MGMT: variants seen among roughly 807,000 people sequenced by gnomAD.
MGMT encodes methylated-DNA--protein-cysteine methyltransferase.
A neutral mutation model predicts 15.9 loss-of-function variants in MGMT; 14 were observed. The observed-to-expected ratio is 0.88, with a 90% CI of 0.58 to 1.37. The LOEUF (loss-of-function observed/expected upper bound fraction) is 1.37, where lower values mean the gene tolerates loss of function less well. Among genes scored for constraint, MGMT ranks in the 40% most tolerant of loss-of-function variants. MGMT has a pLI of 0.00. For synonymous variants in MGMT, 130 were observed against 118.2 expected (o/e 1.10, Z -0.65); for missense variants, 282 against 268.1 (o/e 1.05, Z -0.36).
At chr10:129,640,384 C>T (rs1166578886) in intron 2 of MGMT, among the ~76,000 whole-genome samples, 1 of 152,246 alleles carries the variant, frequency 6.6e-6, no homozygotes, top group Non-Finnish European at 1.5e-5. Flanking sequence ...GCGTGAGCCA[C>T]TGTGCCCAGC....
chr10:129,492,218 C>T (rs1845476009), intron 1 of MGMT, among the ~76,000 whole-genome samples: 1 of 152,100 alleles, frequency 6.6e-6, no homozygotes, highest in African/African-American at 2.4e-5. Flanking sequence ...TCCCTTTGAG[C>T]ATGGTCTTTT....
intron 1 of MGMT, among the ~76,000 whole-genome samples, chr10:129,515,987 C>T (rs1467276205): frequency 1.3e-5 from 2 of 152,124 alleles, no homozygotes; most frequent in Middle Eastern, 3.2e-3. Flanking sequence ...AGGATCTAAA[C>T]GCAGTCTTTG....
At chr10:129,698,505 C>T (rs1041702536) in intron 2 of MGMT, among the ~76,000 whole-genome samples, 2 of 152,146 alleles carry the variant, frequency 1.3e-5, no homozygotes, top group Non-Finnish European at 2.9e-5. Context: ...TACAGATATA[C>T]AAGCACTTTA....
chr10:129,558,114 C>T (rs890442901), intron 2 of MGMT, among the ~76,000 whole-genome samples: 2 of 152,144 alleles, frequency 1.3e-5, no homozygotes, highest in East Asian at 1.9e-4. Flanking sequence ...CCTGTGCGCC[C>T]GGGGTCAGGT....
At chr10:129,512,025 G>A (rs1170406952) in intron 1 of MGMT, among the ~76,000 whole-genome samples, 3 of 152,342 alleles carry the variant, frequency 2.0e-5, no homozygotes, top group East Asian at 3.9e-4. Context: ...AGTCCTGGGT[G>A]TGTGGCTGGC....
At chr10:129,550,432 T>C (rs1001584612) in intron 2 of MGMT, among the ~76,000 whole-genome samples, 1 of 139,480 alleles carries the variant, frequency 7.2e-6, no homozygotes, top group South Asian at 2.5e-4. Context: ...CACTGGAATG[T>C]TTCTGTGTTT....
At position 129,740,929 on chromosome 10, in the gene MGMT, C is replaced by T. The variant is rs186877086; in HGVS notation, c.275-18273C>T. Among the ~76,000 whole-genome samples, 3 of 152,338 alleles carry T rather than the reference C, an allele frequency of 2.0e-5. No individual in the cohort carries two copies. In the East Asian group the frequency reaches 5.8e-4, roughly 29 times the overall value. On this transcript the variant is annotated intron_variant, in intron 3 of 4. Coordinates refer to ENST00000651593, the MANE Select transcript of MGMT (RefSeq NM_002412.5). ...AAGCCCAGCTACCAAAATTTCCAGA[C>T]CTACGTTACCATCTTCAAATGAGTG...
At chr10:129,479,365 C>T (rs535675946) in intron 1 of MGMT, among the ~76,000 whole-genome samples, 2 of 142,208 alleles carry the variant, frequency 1.4e-5, no homozygotes, top group South Asian at 2.4e-4. Flanking sequence ...CCATGGGAAC[C>T]CAATTAAAAT....
intron 2 of MGMT, among the ~76,000 whole-genome samples, chr10:129,618,751 C>A (rs551292951): frequency 9.6e-5 from 5 of 51,980 alleles, no homozygotes; most frequent in South Asian, 2.5e-3. Flanking sequence ...TTGTTTTGTC[C>A]TTTAAAAATG....
chr10:129,472,581 G>A (rs1711665), intron 1 of MGMT, among the ~76,000 whole-genome samples: 1 of 152,156 alleles, frequency 6.6e-6, no homozygotes, highest in African/African-American at 2.4e-5. Context: ...GGGAACAGAT[G>A]GGCTTCCGTT....
At chr10:129,609,094 G>A (rs1846928587) in intron 2 of MGMT, among the ~76,000 whole-genome samples, 1 of 152,212 alleles carries the variant, frequency 6.6e-6, no homozygotes, top group African/African-American at 2.4e-5. Flanking sequence ...GCTTGAACAG[G>A]TGATGCAGGG....
chr10:129,575,354 C>G lies in MGMT; in HGVS notation c.125+38977C>G, dbSNP rs1846467886. ...ACTGTCTCTCAGACCACAGTGCAAT[C>G]AAACTAGAACTCAGGATTAAGAATC... On this transcript the variant is annotated intron_variant, in intron 2 of 4. Transcript: ENST00000651593. 2.6e-5 allele frequency among the ~76,000 whole-genome samples: 4 copies of G among 152,184 alleles called. No homozygotes were observed. The South Asian group carries it at 8.3e-4, about 32-fold the overall frequency.
chr10:129,627,545 C>A (rs1215302033), intron 2 of MGMT, among the ~76,000 whole-genome samples: 1 of 152,158 alleles, frequency 6.6e-6, no homozygotes, highest in Non-Finnish European at 1.5e-5. Context: ...CTTCATCTGG[C>A]CCCTCGCCCT....
At chr10:129,645,010 A>G (rs926130496) in intron 2 of MGMT, among the ~76,000 whole-genome samples, 15 of 152,236 alleles carry the variant, frequency 9.9e-5, no homozygotes, top group African/African-American at 3.4e-4. Flanking sequence ...GAATGAATGC[A>G]CTAAGCTCAA....
Position 129,529,967 on chromosome 10 carries a change from C to G in MGMT, c.-12-6274C>G, listed in dbSNP as rs368577807. Among the ~76,000 whole-genome samples the G allele has an allele frequency of 5.9e-5, 9 of 152,262 alleles. No homozygotes were observed. In the East Asian group the frequency reaches 1.5e-3, roughly 26 times the overall value. On this transcript the variant is annotated intron_variant, in intron 1 of 4. Transcript: ENST00000651593. ...CCAGGCTGGAGTGCAGTGGCACTAC[C>G]GTGGCTCACTGCAGCCTCGACCTCC...
intron 1 of MGMT, among the ~76,000 whole-genome samples, chr10:129,504,814 T>C (rs1845608589): frequency 6.6e-6 from 1 of 151,928 alleles, no homozygotes; most frequent in South Asian, 2.1e-4. Flanking sequence ...TCCAAATGAG[T>C]GGGGAGAGAG....
chr10:129,682,823 T>TA (rs1368369738), intron 2 of MGMT, among the ~76,000 whole-genome samples: 1 of 152,168 alleles, frequency 6.6e-6, no homozygotes, highest in Non-Finnish European at 1.5e-5. Flanking sequence ...CTATAAAGTT[T>TA]AAAAAAATTT....
At chr10:129,467,408 G>C (rs990841814) in intron 1 of MGMT, 112 bp downstream of exon 1, 49 of 1,374,116 alleles carry the variant, frequency 3.6e-5, no homozygotes, top group Non-Finnish European at 4.6e-5. Context: ...GTGTGGGGCC[G>C]CCCTGACCCC....
intron 1 of MGMT, among the ~76,000 whole-genome samples, chr10:129,501,920 C>T (rs1845578496): frequency 6.6e-6 from 1 of 152,146 alleles, no homozygotes; most frequent in Non-Finnish European, 1.5e-5. Context: ...GGCTAATGAG[C>T]GTGGCCTGGA....
Sources: gnomAD v4.1 joint callset for allele counts (sites outside exome capture counted in the v4.1 genomes callset) on GRCh38, gnomAD v4.1.1 for gene constraint, MANE v1.5 for transcripts, NCBI Gene and HGNC (gene_info 2026-07-23, HGNC 2026-07-21) for gene names.